The following TEC variants were observed in gnomAD, a reference collection of about 807,000 sequenced individuals.
TEC encodes tec protein tyrosine kinase, also known as tyrosine-protein kinase Tec.
TEC carries 72 observed loss-of-function variants against 93.0 expected under a neutral mutation model. The observed-to-expected ratio is 0.77, with a 90% CI of 0.64 to 0.94. The LOEUF is 0.94. TEC is among the 40% of genes least tolerant of loss of function. TEC has a pLI of 0.00. For missense variants in TEC, 630 were observed against 757.9 expected, an observed-to-expected ratio of 0.83 and a Z score of 1.98; for synonymous variants, 249 against 247.7, an observed-to-expected ratio of 1.01 and a Z score of -0.05.
chr4:48,159,554 A>ATT lies in TEC; in HGVS notation c.738-2822_738-2821dup, dbSNP rs1167143169. Among the ~76,000 whole-genome samples the ATT allele has an allele frequency of 2.3e-4, 30 of 129,930 alleles. No homozygotes were observed. In the East Asian group the frequency reaches 3.0e-3, roughly 13 times the overall value. 85.2% of individuals were successfully genotyped at this position (129,930 alleles called of 152,430 possible). ...ACTACAACTACATGCCACCACGCTA[A>ATT]TTTTTTTTTTTTTTTTTTGAGATGG... On this transcript the variant is annotated intron_variant, in intron 8 of 17. Coordinates refer to ENST00000381501, the MANE Select transcript of TEC (RefSeq NM_003215.3).
intron 1 of TEC, among the ~76,000 whole-genome samples, chr4:48,230,765 C>T (rs765961816): frequency 2.6e-5 from 4 of 152,196 alleles, no homozygotes; most frequent in Non-Finnish European, 5.9e-5. Flanking sequence ...TCAAAATAGT[C>T]TTCCAAATCT....
At chr4:48,245,242 G>A (rs531868947) in intron 1 of TEC, among the ~76,000 whole-genome samples, 4 of 150,890 alleles carry the variant, frequency 2.7e-5, no homozygotes, top group Admixed American at 1.3e-4. Flanking sequence ...GCAGTGAGCC[G>A]AGATCGCGCC....
At chr4:48,196,187 A>T (rs939112659) in intron 2 of TEC, among the ~76,000 whole-genome samples, 1 of 152,162 alleles carries the variant, frequency 6.6e-6, no homozygotes, top group Admixed American at 6.5e-5. Context: ...AAGTTAGTAG[A>T]CTGAGTGGGG....
At chr4:48,197,806 T>G (rs1722350450) in intron 2 of TEC, among the ~76,000 whole-genome samples, 1 of 152,166 alleles carries the variant, frequency 6.6e-6, no homozygotes, top group Non-Finnish European at 1.5e-5. Context: ...ATAGTTCTAG[T>G]TCCACACCAC....
At chr4:48,255,094 C>T (rs1465475130) in intron 1 of TEC, among the ~76,000 whole-genome samples, 1 of 152,128 alleles carries the variant, frequency 6.6e-6, no homozygotes, top group Non-Finnish European at 1.5e-5. Flanking sequence ...TTTAAGCAAA[C>T]AACAACAAAA....
intron 1 of TEC, among the ~76,000 whole-genome samples, chr4:48,251,099 G>A (rs1483634855): frequency 6.6e-6 from 1 of 152,084 alleles, no homozygotes; most frequent in South Asian, 2.1e-4. Flanking sequence ...CATCAGCCCT[G>A]CTAAAATCCT....
At chr4:48,143,748 A>C (rs902562646) in intron 14 of TEC, among the ~76,000 whole-genome samples, 3 of 152,228 alleles carry the variant, frequency 2.0e-5, no homozygotes, top group Non-Finnish European at 4.4e-5. Flanking sequence ...TCCTGGGTTC[A>C]AATCCTGGCT....
In TEC at chr4:48,141,375, T is replaced by G; in HGVS notation, c.1515A>C (p.Val505=). ...CLVSEAGVVK[V]SDFGMARYVL... ...CATACCTGGCCATTCCAAAATCAGA[T>G]ACTTTTACAACTCCCGCCTCACTTA... The change falls in exon 15 of 18, where the codon GTA becomes GTC. Residue 505 remains valine, a synonymous_variant. Transcript: ENST00000381501. 6.2e-7 allele frequency: 1 copy of G among 1,613,900 alleles called. No individual in the cohort carries two copies. Among genetic ancestry groups the G allele is most frequent in the Non-Finnish European group, 8.5e-7 (1 of 1,179,936 alleles).
chr4:48,160,074 C>G (rs984278240), intron 8 of TEC, among the ~76,000 whole-genome samples: 3 of 152,172 alleles, frequency 2.0e-5, no homozygotes, highest in Non-Finnish European at 2.9e-5. Context: ...ACATTTATTA[C>G]CTCATTTCAT....
In TEC at chr4:48,145,252, T is replaced by A. The variant is rs555121105; in HGVS notation, c.1297A>T (p.Thr433Ser). Residue 433 changes from threonine to serine, a missense_variant, in exon 14 of 18, where the codon ACC becomes TCC. Physicochemically the swap from Thr to Ser is moderately conservative, Grantham distance 58. Transcript: ENST00000381501. ...PKLVQLYGVCTQQKPIYIVTE... is the reference protein window; with the variant it reads ...PKLVQLYGVCSQQKPIYIVTE... ...ACAATGTATATTGGTTTCTGCTGGG[T>A]GCACACACCATAAAGCTGCACTAAC... The A allele has an allele frequency of 1.2e-5, 20 of 1,614,012 alleles. No individual in the cohort carries two copies. Among genetic ancestry groups the A allele is most frequent in the Middle Eastern group, 1.6e-4 (1 of 6,084 alleles).
chr4:48,166,431 A>G (rs543834695), intron 7 of TEC, among the ~76,000 whole-genome samples: 1 of 152,302 alleles, frequency 6.6e-6, no homozygotes, highest in African/African-American at 2.4e-5. Flanking sequence ...CTCTTCCTCC[A>G]GGTACAAAAA....
chr4:48,162,596 G>C (rs1224472191), intron 8 of TEC, among the ~76,000 whole-genome samples: 1 of 152,178 alleles, frequency 6.6e-6, no homozygotes, highest in Admixed American at 6.5e-5. Context: ...CTTAAGGGCA[G>C]AAATGCTACT....
At chr4:48,217,246 G>A (rs113229436) in intron 2 of TEC, among the ~76,000 whole-genome samples, 1 of 151,970 alleles carries the variant, frequency 6.6e-6, no homozygotes, top group Admixed American at 6.6e-5. Flanking sequence ...TGGGATTACA[G>A]GTGCCCGCCA....
intron 1 of TEC, among the ~76,000 whole-genome samples, chr4:48,243,478 A>G (rs1723972845): frequency 6.6e-6 from 1 of 152,250 alleles, no homozygotes; most frequent in Non-Finnish European, 1.5e-5. Flanking sequence ...GCAAACACTC[A>G]GGAAAGCAAT....
At chr4:48,265,259 A>C (rs1351466846) in intron 1 of TEC, among the ~76,000 whole-genome samples, 1 of 151,656 alleles carries the variant, frequency 6.6e-6, no homozygotes, top group African/African-American at 2.4e-5. Flanking sequence ...TTAAATATTC[A>C]TGATTACAGT....
intron 2 of TEC, among the ~76,000 whole-genome samples, chr4:48,184,013 A>C (rs1721701865): frequency 6.6e-6 from 1 of 152,202 alleles, no homozygotes; most frequent in African/African-American, 2.4e-5. Context: ...AGGTCTGTAA[A>C]GCTTGAATAG....
rs776093286 is a variant in TEC at position 48,149,685 on chromosome 4, C to T, written c.878G>A (p.Gly293Asp). 1 of 1,600,412 alleles carries T rather than the reference C, an allele frequency of 6.2e-7. No homozygotes were observed. Among genetic ancestry groups the T allele is most frequent in the South Asian group, 1.1e-5 (1 of 88,028 alleles). ...ATGATAATGCCTAAAACCCGATGAA[C>T]CTTCTCTAGAACAAAAATCAAAATG... ...VSLYTKFGGEGSSGFRHYHIK... is the reference protein window; with the variant it reads ...VSLYTKFGGEDSSGFRHYHIK... Residue 293 changes from glycine to aspartate, a missense_variant, in exon 11 of 18, where the codon GGT becomes GAT. Physicochemically the swap from Gly to Asp is moderately conservative, Grantham distance 94 (BLOSUM62 -1). Around this residue, in one of 3 missense-constraint regions of TEC, gnomAD observed 335 missense variants for 351.5 expected, o/e 0.95. Coordinates refer to ENST00000381501, the MANE Select transcript of TEC (RefSeq NM_003215.3).
At chr4:48,259,763 G>C (rs1197052609) in intron 1 of TEC, among the ~76,000 whole-genome samples, 1 of 151,326 alleles carries the variant, frequency 6.6e-6, no homozygotes, top group Non-Finnish European at 1.5e-5. Context: ...CTGAACAGGA[G>C]CTCACTCTGC....
At chr4:48,222,226 G>A (rs538136685) in intron 2 of TEC, among the ~76,000 whole-genome samples, 6 of 152,286 alleles carry the variant, frequency 3.9e-5, no homozygotes, top group African/African-American at 9.6e-5. Context: ...GCAAAGGCAC[G>A]ATGTGAAAGG....
Sources: gnomAD v4.1 joint callset for allele counts (sites outside exome capture counted in the v4.1 genomes callset) on GRCh38, gnomAD v4.1.1 for gene constraint, gnomAD v4.1.1 regional missense constraint, MANE v1.5 for transcripts, NCBI Gene and HGNC (gene_info 2026-07-23, HGNC 2026-07-21) for gene names.